NPAS3: variants seen among roughly 807,000 people sequenced by gnomAD.
The protein encoded by NPAS3 is neuronal PAS domain-containing protein 3.
A neutral mutation model predicts 73.1 loss-of-function variants in NPAS3; 14 were observed. The ratio of observed to expected loss-of-function variants is 0.19; its 90% CI spans 0.13 to 0.30. NPAS3 has a LOEUF of 0.30. Among genes scored for constraint, NPAS3 ranks in the 10% least tolerant of loss-of-function variants. The pLI, the probability that NPAS3 is intolerant of heterozygous loss-of-function variation, is 1.00. For synonymous variants in NPAS3, 620 were observed against 541.5 expected (o/e 1.14, Z -2.01); for missense variants, 1,096 against 1,250.0 (o/e 0.88, Z 1.86).
At chr14:33,700,804 C>T (rs754416745) in intron 6 of NPAS3, among the ~76,000 whole-genome samples, 1 of 152,162 alleles carries the variant, frequency 6.6e-6, no homozygotes, top group Non-Finnish European at 1.5e-5. Flanking sequence ...CTGACCAATC[C>T]ACGTATAAAT....
intron 2 of NPAS3, among the ~76,000 whole-genome samples, chr14:33,152,289 A>C (rs1328984263): frequency 3.3e-5 from 5 of 152,110 alleles, no homozygotes; most frequent in Non-Finnish European, 5.9e-5. Context: ...GCTTCATCAG[A>C]GCCATTGGTG....
rs79735510 is a variant in NPAS3 at position 33,077,548 on chromosome 14, C to T, written c.140+21554C>T. Among the ~76,000 whole-genome samples the T allele has an allele frequency of 3.1e-3, 445 of 142,966 alleles. 1 individual carries two copies. The highest frequency in any genetic ancestry group is 0.011 in the African/African-American group (434 of 37,854). The allele number at this position is 142,966 out of a possible 152,430, so 93.8% of individuals were successfully genotyped here. A position where few individuals can be genotyped will look rare whatever the true frequency, so the allele number is the denominator to read the frequency against. On this transcript the variant is annotated intron_variant, in intron 2 of 11. Coordinates refer to ENST00000356141, the Ensembl canonical transcript of NPAS3. ...TTTAACAAAGCATAAAATCAAGCTT[C>T]CATAAATACTCCAAATTGCACCGTA...
chr14:33,106,334 CA>C (rs1051104301), intron 2 of NPAS3, among the ~76,000 whole-genome samples: 3 of 152,158 alleles, frequency 2.0e-5, no homozygotes, highest in Admixed American at 6.6e-5. Context: ...AGCAGCAATT[CA>C]AAAGATGTCT....
chr14:33,596,220 G>T (rs1292558892), intron 5 of NPAS3, among the ~76,000 whole-genome samples: 1 of 152,168 alleles, frequency 6.6e-6, no homozygotes, highest in Non-Finnish European at 1.5e-5. Context: ...TATTGAAAGT[G>T]CAGTTTGTCA....
At chr14:33,611,082 A>T (rs1370000957) in intron 5 of NPAS3, 1 of 152,000 alleles carries the variant, frequency 6.6e-6, no homozygotes, top group Admixed American at 6.6e-5. Context: ...CATACACTGG[A>T]CTCTTTCCTT....
At position 33,728,385 on chromosome 14, in the gene NPAS3, A is replaced by G. The variant is rs12100968; in HGVS notation, c.734-6829A>G. Among the ~76,000 whole-genome samples the G allele has an allele frequency of 4.9e-3, 749 of 152,314 alleles. 1 individual carries two copies. Among genetic ancestry groups the G allele is most frequent in the African/African-American group, 0.016 (676 of 41,572 alleles). ...ACAATTATTTTCACAGCTATGCTCT[A>G]GAGTTTCAGTTAATGATTCACAAGT... On this transcript the variant is annotated intron_variant, in intron 6 of 11. Transcript: ENST00000356141.
intron 2 of NPAS3, among the ~76,000 whole-genome samples, chr14:33,185,434 T>G (rs2045943964): frequency 1.3e-5 from 2 of 152,184 alleles, no homozygotes; most frequent in South Asian, 4.1e-4. Flanking sequence ...TTCTGCAGGG[T>G]ACACTTACCA....
chr14:33,626,372 T>C (rs1011869325), intron 5 of NPAS3, among the ~76,000 whole-genome samples: 3 of 152,188 alleles, frequency 2.0e-5, no homozygotes, highest in African/African-American at 7.2e-5. Context: ...ATATCCCAAA[T>C]GTTGAATATA....
chr14:33,104,363 T>C (rs1490570397), intron 2 of NPAS3, among the ~76,000 whole-genome samples: 2 of 152,194 alleles, frequency 1.3e-5, no homozygotes, highest in Non-Finnish European at 2.9e-5. Context: ...TTTCAGTTCA[T>C]GTGGGTAAAA....
chr14:33,060,960 C>T (rs1566516688), intron 2 of NPAS3, among the ~76,000 whole-genome samples: 1 of 152,152 alleles, frequency 6.6e-6, no homozygotes, highest in Non-Finnish European at 1.5e-5. Context: ...TTAAGGCTGG[C>T]CTTGGCCAAG....
rs566898820 is a variant in NPAS3, at chr14:32,999,284, G to T, written c.51-56621G>T. 3.9e-5 allele frequency among the ~76,000 whole-genome samples: 6 copies of T among 152,228 alleles called. No homozygotes were observed. The East Asian group carries it at 1.2e-3, about 29-fold the overall frequency. On this transcript the variant is annotated intron_variant, in intron 1 of 11. Coordinates refer to ENST00000356141, the Ensembl canonical transcript of NPAS3. ...CCCAGCCCTTTGGGAGGCCAAGGTG[G>T]GCAGATCACAAGGTCAGGAGATTGA...
At chr14:33,001,429 A>G (rs1459045309) in intron 1 of NPAS3, among the ~76,000 whole-genome samples, 3 of 152,092 alleles carry the variant, frequency 2.0e-5, no homozygotes, top group Non-Finnish European at 4.4e-5. Flanking sequence ...CTTTTTTGCT[A>G]GTATCTTATG....
chr14:33,019,713 T>C (rs2039524155), intron 1 of NPAS3, among the ~76,000 whole-genome samples: 1 of 152,202 alleles, frequency 6.6e-6, no homozygotes. Flanking sequence ...TTGAAATCAA[T>C]ATTCGTTTGG....
chr14:33,620,115 T>C (rs1292382302), intron 5 of NPAS3, among the ~76,000 whole-genome samples: 4 of 152,208 alleles, frequency 2.6e-5, no homozygotes, highest in Admixed American at 2.0e-4. Flanking sequence ...AATGAAAGAA[T>C]TGGGCTGGCC....
At chr14:33,594,275 G>C (rs894324907) in intron 5 of NPAS3, among the ~76,000 whole-genome samples, 1 of 151,132 alleles carries the variant, frequency 6.6e-6, no homozygotes, top group Non-Finnish European at 1.5e-5. Context: ...ATTATTGTTT[G>C]TTGTTGTTGT....
chr14:33,439,993 G>C (rs2139261517), intron 4 of NPAS3, among the ~76,000 whole-genome samples: 1 of 152,074 alleles, frequency 6.6e-6, no homozygotes, highest in East Asian at 1.9e-4. Flanking sequence ...GCGGGCGCCT[G>C]TAGTCCCAGC....
At chr14:33,599,597 C>T (rs2057342779) in intron 5 of NPAS3, among the ~76,000 whole-genome samples, 2 of 152,106 alleles carry the variant, frequency 1.3e-5, no homozygotes, top group Non-Finnish European at 2.9e-5. Context: ...GCATAATTCC[C>T]TTCTACTGTA....
At chr14:33,276,515 AC>A (rs1372147639) in intron 3 of NPAS3, among the ~76,000 whole-genome samples, 2 of 151,998 alleles carry the variant, frequency 1.3e-5, no homozygotes, top group Admixed American at 6.6e-5. Context: ...TTTTTAAAAA[AC>A]TCATGAATTT....
chr14:33,148,340 T>C (rs964564865), intron 2 of NPAS3, among the ~76,000 whole-genome samples: 4 of 152,170 alleles, frequency 2.6e-5, no homozygotes, highest in African/African-American at 7.2e-5. Context: ...TAGTCATTCA[T>C]ATTATATATT....
Sources: allele counts gnomAD v4.1 joint callset (sites outside exome capture counted in the v4.1 genomes callset), GRCh38; gene constraint gnomAD v4.1.1; transcripts MANE v1.5; gene names NCBI Gene and HGNC (gene_info 2026-07-23, HGNC 2026-07-21).